Variants in POU6F2 observed in about 807,000 individuals in gnomAD.
POU6F2 encodes the protein POU class 6 homeobox 2.
A neutral mutation model predicts 71.3 loss-of-function variants in POU6F2; 31 were observed. That is an observed-to-expected ratio of 0.43 (90% CI 0.33 to 0.59). The LOEUF is 0.59. Among genes scored for constraint, POU6F2 ranks in the 20% least tolerant of loss-of-function variants. POU6F2 has a pLI of 0.04. For synonymous variants in POU6F2, 347 were observed against 355.7 expected (o/e 0.98, Z 0.27); for missense variants, 783 against 856.8 (o/e 0.91, Z 1.07).
Position 39,104,285 on chromosome 7 carries a change from A to G in POU6F2, c.277+18254A>G, listed in dbSNP as rs182484277. ...AGAGGTTTACATGATGACAACATTC[A>G]TTTTGCTTACAAATCTTCAATTTTG... On this transcript the variant is annotated intron_variant, in intron 2 of 9. Transcript: ENST00000518318. Among the ~76,000 whole-genome samples, 50 of 152,362 alleles carry G rather than the reference A, an allele frequency of 3.3e-4. No individual in the cohort carries two copies. In the East Asian group the frequency reaches 9.1e-3, roughly 28 times the overall value.
At chr7:39,005,490 G>GTGTA (rs997920389) in intron 1 of POU6F2, among the ~76,000 whole-genome samples, 1 of 150,930 alleles carries the variant, frequency 6.6e-6, no homozygotes, top group Non-Finnish European at 1.5e-5. Context: ...AAACCTGTGT[G>GTGTA]TGTGTGTGTG....
At chr7:39,178,553 A>G (rs1359071229) in intron 2 of POU6F2, among the ~76,000 whole-genome samples, 1 of 152,202 alleles carries the variant, frequency 6.6e-6, no homozygotes, top group Non-Finnish European at 1.5e-5. Context: ...GCCTACCCGG[A>G]GAGGCTGTAT....
intron 2 of POU6F2, among the ~76,000 whole-genome samples, chr7:39,139,623 C>T (rs996572152): frequency 1.3e-5 from 2 of 152,134 alleles, no homozygotes; most frequent in African/African-American, 4.8e-5. Flanking sequence ...CTAGATTCTC[C>T]TTCTCAAGTG....
At chr7:39,180,205 C>T (rs1793410305) in intron 2 of POU6F2, among the ~76,000 whole-genome samples, 1 of 152,120 alleles carries the variant, frequency 6.6e-6, no homozygotes, top group Non-Finnish European at 1.5e-5. Flanking sequence ...GGTGTGTATC[C>T]ATGCATTCAG....
At chr7:39,110,927 G>GTGA (rs1791797411) in intron 2 of POU6F2, among the ~76,000 whole-genome samples, 1 of 152,110 alleles carries the variant, frequency 6.6e-6, no homozygotes, top group Non-Finnish European at 1.5e-5. Flanking sequence ...ACTATCATTG[G>GTGA]TGATAGAATT....
chr7:39,413,221 C>G (rs963373287), intron 6 of POU6F2, among the ~76,000 whole-genome samples: 2 of 151,874 alleles, frequency 1.3e-5, no homozygotes, highest in Non-Finnish European at 2.9e-5. Context: ...CAAAACATGA[C>G]AGACACAGCT....
chr7:39,000,955 G>C (rs1038393592), intron 1 of POU6F2, among the ~76,000 whole-genome samples: 1 of 152,186 alleles, frequency 6.6e-6, no homozygotes, highest in African/African-American at 2.4e-5. Flanking sequence ...GTATTAATAT[G>C]TGAGTAAACA....
chr7:39,109,089 A>G (rs1327687391), intron 2 of POU6F2, among the ~76,000 whole-genome samples: 1 of 152,168 alleles, frequency 6.6e-6, no homozygotes, highest in Non-Finnish European at 1.5e-5. Context: ...TCTGTCACAC[A>G]GGTTGGAGTG....
At chr7:39,097,135 T>A (rs1791471194) in intron 2 of POU6F2, among the ~76,000 whole-genome samples, 1 of 152,178 alleles carries the variant, frequency 6.6e-6, no homozygotes, top group Non-Finnish European at 1.5e-5. Flanking sequence ...TGTCATTTTA[T>A]GCCATTCTTA....
chr7:39,345,738 C>T (rs946141484), intron 5 of POU6F2, among the ~76,000 whole-genome samples: 1 of 152,176 alleles, frequency 6.6e-6, no homozygotes, highest in African/African-American at 2.4e-5. Flanking sequence ...GGCAAGGTTT[C>T]CTCTTGGCTA....
intron 4 of POU6F2, among the ~76,000 whole-genome samples, chr7:39,248,415 G>A (rs535967709): frequency 7.0e-4 from 107 of 152,256 alleles, no homozygotes; most frequent in African/African-American, 2.2e-3. Flanking sequence ...CATCCTTGCT[G>A]CCCCCATCGC....
chr7:39,016,041 T>G (rs1215059567), intron 1 of POU6F2, among the ~76,000 whole-genome samples: 9 of 44,640 alleles, frequency 2.0e-4, no homozygotes, highest in Admixed American at 4.0e-4. Flanking sequence ...AGATATATAT[T>G]ATATATTATA....
At chr7:39,322,056 C>T (rs1464558035) in intron 4 of POU6F2, among the ~76,000 whole-genome samples, 1 of 152,136 alleles carries the variant, frequency 6.6e-6, no homozygotes, top group East Asian at 1.9e-4. Context: ...AATAGCTTTT[C>T]TATAAACTGT....
Position 39,037,615 on chromosome 7 carries a change from G to T in POU6F2, c.106-48245G>T, listed in dbSNP as rs144865555. On this transcript the variant is annotated intron_variant, in intron 1 of 9. Coordinates refer to ENST00000518318, the MANE Select transcript of POU6F2 (RefSeq NM_001370959.1). ...CTTTGTGTCTCCAGCAACGTATTTG[G>T]CAAATAAAGAGATACAGGATCTTAC... 5.9e-3 allele frequency among the ~76,000 whole-genome samples: 899 copies of T among 151,944 alleles called. 9 individuals carry two copies. Among genetic ancestry groups the T allele is most frequent in the African/African-American group, 0.021 (871 of 41,446 alleles).
At chr7:39,060,217 AAAG>A (rs942057812) in intron 1 of POU6F2, among the ~76,000 whole-genome samples, 7 of 152,176 alleles carry the variant, frequency 4.6e-5, no homozygotes, top group Non-Finnish European at 1.0e-4. Context: ...CAAAAAAAAA[AAAG>A]AAGCCAAACA....
chr7:39,419,070 TAC>T (rs1345260256), intron 6 of POU6F2, among the ~76,000 whole-genome samples: 4 of 144,898 alleles, frequency 2.8e-5, no homozygotes, highest in Non-Finnish European at 6.0e-5. Context: ...TACACATATA[TAC>T]ACACATATAT....
At chr7:39,191,021 A>C (rs1399938006) in intron 2 of POU6F2, among the ~76,000 whole-genome samples, 3 of 152,190 alleles carry the variant, frequency 2.0e-5, no homozygotes, top group Non-Finnish European at 4.4e-5. Flanking sequence ...GGATCTTTAG[A>C]AATTGTACGT....
intron 2 of POU6F2, among the ~76,000 whole-genome samples, chr7:39,126,882 A>G (rs761249452): frequency 6.6e-6 from 1 of 152,256 alleles, no homozygotes; most frequent in Non-Finnish European, 1.5e-5. Flanking sequence ...CAGTGGGCTA[A>G]AGAAATAGAT....
At chr7:39,107,676 A>AC (rs1204279086) in intron 2 of POU6F2, among the ~76,000 whole-genome samples, 1 of 151,854 alleles carries the variant, frequency 6.6e-6, no homozygotes, top group Admixed American at 6.6e-5. Flanking sequence ...TAGTGGAACC[A>AC]CCCCCCGCCC....
Sources: allele counts gnomAD v4.1 joint callset (sites outside exome capture counted in the v4.1 genomes callset), GRCh38; gene constraint gnomAD v4.1.1; transcripts MANE v1.5; gene names NCBI Gene and HGNC (gene_info 2026-07-23, HGNC 2026-07-21).